CMTM7: variants seen among roughly 807,000 people sequenced by gnomAD.
CMTM7 encodes the protein CKLF like MARVEL transmembrane domain containing 7, also known as CKLF-like MARVEL transmembrane domain-containing protein 7.
A neutral mutation model predicts 19.3 loss-of-function variants in CMTM7; 7 were observed. The observed-to-expected ratio is 0.36, with a 90% CI of 0.21 to 0.68. The LOEUF is 0.68. Ranked by LOEUF, CMTM7 falls within the 30% of genes least tolerant of loss-of-function variation. CMTM7 has a pLI of 0.60. For synonymous variants in CMTM7, 87 were observed against 99.3 expected (o/e 0.88, Z 0.74); for missense variants, 193 against 232.6 (o/e 0.83, Z 1.11).
chr3:32,444,416 T>C (rs1696724856), intron 2 of CMTM7, among the ~76,000 whole-genome samples: 1 of 152,258 alleles, frequency 6.6e-6, no homozygotes, highest in African/African-American at 2.4e-5. Flanking sequence ...CATTGATCTA[T>C]GTGTCTGTCG....
At chr3:32,428,644 C>G (rs987549908) in intron 1 of CMTM7, among the ~76,000 whole-genome samples, 1 of 152,184 alleles carries the variant, frequency 6.6e-6, no homozygotes, top group African/African-American at 2.4e-5. Flanking sequence ...CCTTTTTCTG[C>G]TTACATAACA....
intron 2 of CMTM7, among the ~76,000 whole-genome samples, chr3:32,443,802 C>T (rs1191147900): frequency 6.6e-6 from 1 of 152,196 alleles, no homozygotes; most frequent in Non-Finnish European, 1.5e-5. Flanking sequence ...ATTTTCATTT[C>T]TCCAGTGACT....
At chr3:32,432,461 G>GGTGA (rs1483882553) in intron 1 of CMTM7, among the ~76,000 whole-genome samples, 2 of 152,176 alleles carry the variant, frequency 1.3e-5, no homozygotes. Flanking sequence ...AATAACCAGT[G>GGTGA]GTGAGGCTGG....
chr3:32,405,882 G>A (rs1696084522), intron 1 of CMTM7, among the ~76,000 whole-genome samples: 1 of 152,240 alleles, frequency 6.6e-6, no homozygotes, highest in Non-Finnish European at 1.5e-5. Context: ...GATGCAAACA[G>A]TAACTATGGT....
intron 1 of CMTM7, 59 bp from the exon 2 acceptor site, chr3:32,441,781 T>G (rs1366563556): frequency 3.3e-6 from 5 of 1,502,692 alleles, no homozygotes. Flanking sequence ...TTCCGTTGTT[T>G]GTTCCCTGGG....
chr3:32,438,808 A>G (rs77570820), intron 1 of CMTM7, among the ~76,000 whole-genome samples: 12,352 of 152,302 alleles, frequency 0.081, 571 homozygotes, highest in Middle Eastern at 0.13. Flanking sequence ...CCTGACCTGC[A>G]CAGGCCCCTT....
chr3:32,415,380 C>A (rs1696245118), intron 1 of CMTM7, among the ~76,000 whole-genome samples: 1 of 152,212 alleles, frequency 6.6e-6, no homozygotes, highest in Non-Finnish European at 1.5e-5. Context: ...CAGCAGGGAC[C>A]TGAGACCATC....
Position 32,454,984 on chromosome 3 carries a change from C to G in CMTM7, c.*730C>G, listed in dbSNP as rs1482492592. On this transcript the variant is annotated 3_prime_UTR_variant, in exon 5 of 5. Transcript: ENST00000334983. ...TGAACTGCTGGACTTCAGGTTTTCT[C>G]TCCATCTTGGGGGATAGTATAGCAG... The G allele has an allele frequency of 6.3e-6, 1 of 158,246 alleles. No individual in the cohort carries two copies. Among genetic ancestry groups the G allele is most frequent in the Non-Finnish European group, 1.4e-5 (1 of 71,516 alleles). 9.8% of individuals were successfully genotyped at this position (158,246 alleles called of 1,614,324 possible). A position where few individuals can be genotyped will look rare whatever the true frequency, so the allele number is the denominator to read the frequency against.
chr3:32,400,599 G>A (rs913722455), intron 1 of CMTM7, among the ~76,000 whole-genome samples: 1 of 151,598 alleles, frequency 6.6e-6, no homozygotes, highest in African/African-American at 2.4e-5. Context: ...CACCGTGTTA[G>A]CCAGGATGGT....
At chr3:32,412,005 G>A (rs1696184221) in intron 1 of CMTM7, among the ~76,000 whole-genome samples, 2 of 152,196 alleles carry the variant, frequency 1.3e-5, no homozygotes, top group African/African-American at 2.4e-5. Flanking sequence ...TACAAGGTTT[G>A]CAATCTTCTT....
intron 1 of CMTM7, among the ~76,000 whole-genome samples, chr3:32,405,957 T>G (rs1429360633): frequency 6.6e-6 from 1 of 152,234 alleles, no homozygotes; most frequent in Non-Finnish European, 1.5e-5. Flanking sequence ...AGATTCAGAA[T>G]GTACCAAAAG....
At chr3:32,408,612 A>C (rs1426585892) in intron 1 of CMTM7, among the ~76,000 whole-genome samples, 6 of 152,236 alleles carry the variant, frequency 3.9e-5, no homozygotes, top group Non-Finnish European at 7.3e-5. Flanking sequence ...GTGGGGGCAA[A>C]AGATGGAAAG....
chr3:32,405,855 G>A (rs1696084132), intron 1 of CMTM7, among the ~76,000 whole-genome samples: 1 of 152,232 alleles, frequency 6.6e-6, no homozygotes, highest in Non-Finnish European at 1.5e-5. Context: ...CTTGGAGCAA[G>A]TCCAAAGCAA....
At chr3:32,439,109 A>T (rs796405783) in intron 1 of CMTM7, among the ~76,000 whole-genome samples, 5 of 152,244 alleles carry the variant, frequency 3.3e-5, no homozygotes, top group African/African-American at 1.2e-4. Context: ...AGCCCTGGCG[A>T]TCATGCACAC....
At chr3:32,392,165 C>A in intron 1 of CMTM7, 100 bp downstream of exon 1, 1 of 938,676 alleles carries the variant, frequency 1.1e-6, no homozygotes, top group Non-Finnish European at 1.4e-6. Flanking sequence ...CGGCCGGAGC[C>A]CAGGGAGCAT....
intron 1 of CMTM7, among the ~76,000 whole-genome samples, chr3:32,441,374 T>C (rs1300897786): frequency 1.3e-5 from 2 of 152,202 alleles, no homozygotes; most frequent in Admixed American, 6.5e-5. Context: ...TATCTGTCAG[T>C]TGATAGCTGT....
At chr3:32,395,178 AT>A (rs1695897183) in intron 1 of CMTM7, among the ~76,000 whole-genome samples, 1 of 151,774 alleles carries the variant, frequency 6.6e-6, no homozygotes, top group African/African-American at 2.4e-5. Flanking sequence ...TAAATTTTGT[AT>A]TTTTTGATAC....
chr3:32,392,564 AAGG>A (rs1261741922), intron 1 of CMTM7, among the ~76,000 whole-genome samples: 3 of 152,198 alleles, frequency 2.0e-5, no homozygotes, highest in African/African-American at 7.2e-5. Flanking sequence ...GTTTCGCTCG[AAGG>A]AGGAGGTCAG....
At chr3:32,401,603 C>A (rs1366025913) in intron 1 of CMTM7, among the ~76,000 whole-genome samples, 1 of 152,272 alleles carries the variant, frequency 6.6e-6, no homozygotes, top group Non-Finnish European at 1.5e-5. Flanking sequence ...CCAGCCCTGG[C>A]GCTTCCTGTG....
Sources: allele counts gnomAD v4.1 joint callset (sites outside exome capture counted in the v4.1 genomes callset), GRCh38; gene constraint gnomAD v4.1.1; transcripts MANE v1.5; gene names NCBI Gene and HGNC (gene_info 2026-07-23, HGNC 2026-07-21).